TARBP1: variants seen among roughly 807,000 people sequenced by gnomAD.
TARBP1 encodes the protein tRNA guanosine 2 -O-methyltransferase TARBP1.
In TARBP1, 144 loss-of-function variants were observed where a neutral mutation model predicts 178.6. The ratio of observed to expected loss-of-function variants is 0.81; its 90% CI spans 0.70 to 0.93. TARBP1 has a LOEUF of 0.93. Among genes scored for constraint, TARBP1 ranks in the 40% least tolerant of loss-of-function variants. TARBP1 has a pLI of 0.00. For synonymous variants in TARBP1, 787 were observed against 781.0 expected (o/e 1.01, Z -0.13); for missense variants, 2,067 against 2,011.7 (o/e 1.03, Z -0.53).
chr1:234,403,223 C>T (rs753945070), intron 24 of TARBP1, among the ~76,000 whole-genome samples: 9 of 152,184 alleles, frequency 5.9e-5, no homozygotes, highest in Non-Finnish European at 8.8e-5. Flanking sequence ...TTCCCTCAGC[C>T]AGACCAAGCT....
In TARBP1 at chr1:234,461,598, C is replaced by T. The variant is rs554169774; in HGVS notation, c.1400-1202G>A. Reference sequence around the variant, plus strand: ...CTGAGACTACAGGCGTCAGCCACCACACCCGGCCAGTAAAAGATAAAATTG... The same window carrying T: ...CTGAGACTACAGGCGTCAGCCACCATACCCGGCCAGTAAAAGATAAAATTG... On this transcript the variant is annotated intron_variant, in intron 6 of 29. Transcript: ENST00000040877. Among the ~76,000 whole-genome samples the T allele has an allele frequency of 2.1e-3, 320 of 152,294 alleles. 4 individuals are homozygous for T. The highest frequency in any genetic ancestry group is 7.2e-3 in the African/African-American group (301 of 41,568).
rs1659649853 is a variant in TARBP1 at position 234,393,786 on chromosome 1, T to C, written c.4295A>G (p.Lys1432Arg). Reference protein sequence around the residue: ...DNQAEWTDVQKKIIPWNSRVS... With the variant: ...DNQAEWTDVQRKIIPWNSRVS... ...ACGACTGTTCCACGGGATAATCTTC[T>C]TCTGAACGTCGGTCCACTCCGCTTG... The change falls in exon 27 of 30, where the codon AAG becomes AGG. Residue 1432 changes from lysine to arginine, a missense_variant. By Grantham distance (26) the Lys-to-Arg change is conservative (BLOSUM62 2). Transcript: ENST00000040877. 6.2e-7 allele frequency: 1 copy of C among 1,613,846 alleles called. No homozygotes were observed. Among genetic ancestry groups the C allele is most frequent in the South Asian group, 1.1e-5 (1 of 91,090 alleles).
chr1:234,460,122 G>C lies in TARBP1; in HGVS notation c.1535+139C>G, dbSNP rs1029478756. The C allele has an allele frequency of 3.4e-5, 32 of 953,704 alleles. No individual in the cohort carries two copies. In the African/African-American group the frequency reaches 5.5e-4, roughly 16 times the overall value. The allele number at this position is 953,704 out of a possible 1,614,324, so 59.1% of individuals were successfully genotyped here. A position where few individuals can be genotyped will look rare whatever the true frequency, so the allele number is the denominator to read the frequency against. On this transcript the variant is annotated intron_variant, in intron 7 of 29. Coordinates refer to ENST00000040877, the MANE Select transcript of TARBP1 (RefSeq NM_005646.4). ...ATACATTTTTTAATTTTTTTCTTAT[G>C]TAAAATTAAGAGCCCAAACATCCCA...
In TARBP1 at chr1:234,478,598, G is replaced by A. The variant is rs1292228792; in HGVS notation, c.506C>T (p.Ala169Val). The A allele has an allele frequency of 3.1e-6, 4 of 1,298,742 alleles. No homozygotes were observed. The East Asian group carries it at 1.0e-4, about 33-fold the overall frequency. The allele number at this position is 1,298,742 out of a possible 1,614,324, so 80.5% of individuals were successfully genotyped here. Reference sequence around the variant, plus strand: ...GTCCCCGCCCCCGCCCAGCGCCAGGGCGACGGCGGTCCCCGCCACGCGCTC... The same window carrying A: ...GTCCCCGCCCCCGCCCAGCGCCAGGACGACGGCGGTCCCCGCCACGCGCTC... Reference protein sequence around the residue: ...LLERVAGTAVALALGGGGDGD... With the variant: ...LLERVAGTAVVLALGGGGDGD... Residue 169 changes from alanine to valine, a missense_variant, in exon 1 of 30, where the codon GCC becomes GTC. Physicochemically the swap from Ala to Val is moderately conservative, Grantham distance 64. Coordinates refer to ENST00000040877, the MANE Select transcript of TARBP1 (RefSeq NM_005646.4).
intron 22 of TARBP1, among the ~76,000 whole-genome samples, chr1:234,415,178 G>A (rs993060315): frequency 6.6e-6 from 1 of 152,080 alleles, no homozygotes; most frequent in Admixed American, 6.5e-5. Flanking sequence ...GGACCATTTG[G>A]CTAAGGAGAG....
chr1:234,472,810 G>A lies in TARBP1; in HGVS notation c.933C>T (p.Gly311=), dbSNP rs368606335. The change falls in exon 2 of 30, where the codon GGC becomes GGT. Residue 311 remains glycine (G), a splice_region_variant and synonymous_variant. Coordinates refer to ENST00000040877, the MANE Select transcript of TARBP1 (RefSeq NM_005646.4). ...DCTCGPQEGN[G]PSLFWWSERK... ...TCTCAGACCACCAAAACAGACTTGG[G>A]CCTGATATGGTTTAAAAAAGAAAAT... The A allele has an allele frequency of 6.3e-6, 10 of 1,588,636 alleles. No homozygotes were observed. The highest frequency in any genetic ancestry group is 1.4e-5 in the African/African-American group (1 of 72,900).
At chr1:234,471,302 T>TGAAAAATGTCAGGCAATTTTCATCTC in intron 2 of TARBP1, 45 bp from the exon 3 acceptor site, 1 of 1,312,020 alleles carries the variant, frequency 7.6e-7, no homozygotes, top group Non-Finnish European at 1.1e-6. Flanking sequence ...AAATGCATCT[T>TGAAAAATGTCAGGCAATTTTCATCTC]GAAAAATGTC....
chr1:234,398,421 T>C lies in TARBP1; in HGVS notation c.4204A>G (p.Ser1402Gly). ...FQWYLSQTQLSKLKPGDWSQQ... is the reference protein window; with the variant it reads ...FQWYLSQTQLGKLKPGDWSQQ... ...GACCAGTCACCTGGTTTTAGTTTAC[T>C]AAGTTGAGTTTGAGAAAGGTACCAC... The change falls in exon 26 of 30, where the codon AGT becomes GGT. Residue 1402 changes from serine to glycine, a missense_variant. Transcript: ENST00000040877. 1 of 1,611,186 alleles carries C rather than the reference T, an allele frequency of 6.2e-7. No individual in the cohort carries two copies. The highest frequency in any genetic ancestry group is 8.5e-7 in the Non-Finnish European group (1 of 1,178,374).
At chr1:234,466,579 G>GAAGAAT in intron 4 of TARBP1, among the ~76,000 whole-genome samples, 1 of 151,266 alleles carries the variant, frequency 6.6e-6, no homozygotes, top group Non-Finnish European at 1.5e-5. Flanking sequence ...AGAAGAAGAA[G>GAAGAAT]AAGCCAGGCA....
chr1:234,472,758 A>C lies in TARBP1; in HGVS notation c.985T>G (p.Trp329Gly), dbSNP rs749746892. 1 of 1,604,356 alleles carries C rather than the reference A, an allele frequency of 6.2e-7. No homozygotes were observed. Among genetic ancestry groups the C allele is most frequent in the South Asian group, 1.1e-5 (1 of 87,864 alleles). The change falls in exon 2 of 30, where the codon TGG becomes GGG. Residue 329 changes from tryptophan (W) to glycine (G), a missense_variant. Transcript: ENST00000040877. The part of the protein sequence containing the change: ...ERKKDELLKF[W>G]ENYILIMETL... ...TCCATAATTAAAATATAATTTTCCC[A>C]AAACTTTAGAAGCTCATCTTTTTTC... is the stretch of plus-strand genomic sequence containing the variant.
chr1:234,474,407 A>G (rs1335886842), intron 1 of TARBP1, among the ~76,000 whole-genome samples: 1 of 152,164 alleles, frequency 6.6e-6, no homozygotes, highest in Non-Finnish European at 1.5e-5. Flanking sequence ...GAAAACAGAA[A>G]GGGACGAAAT....
intron 28 of TARBP1, 121 bp from the exon 29 acceptor site, chr1:234,392,673 T>C: frequency 1.2e-6 from 1 of 814,020 alleles, no homozygotes; most frequent in Non-Finnish European, 1.8e-6. Flanking sequence ...GAGAGAATTA[T>C]ACATTATAAA....
chr1:234,460,479 C>A, intron 6 of TARBP1, 83 bp from the exon 7 acceptor site: 1 of 1,427,022 alleles, frequency 7.0e-7, no homozygotes, highest in Non-Finnish European at 9.6e-7. Context: ...TAGGGAAATA[C>A]AAGTCAAAAC....
intron 3 of TARBP1, among the ~76,000 whole-genome samples, chr1:234,469,059 CCTT>C (rs1668762755): frequency 2.5e-5 from 1 of 39,532 alleles, no homozygotes; most frequent in Non-Finnish European, 3.6e-5. Context: ...GCGGTTTTTG[CCTT>C]TTTTTTTTTT....
chr1:234,450,273 T>C (rs1184940649), intron 10 of TARBP1, among the ~76,000 whole-genome samples, 155 bp downstream of exon 10: 3 of 152,192 alleles, frequency 2.0e-5, no homozygotes, highest in African/African-American at 7.2e-5. Context: ...ACAGTATCTT[T>C]ACTTTTTTTT....
Position 234,393,420 on chromosome 1 carries a change from C to A in TARBP1, c.4502G>T (p.Ser1501Ile), listed in dbSNP as rs756635913. ...VLVVGSLQCI[S>I]DKQFQHLSVS... is the part of the protein sequence containing the mutation. ...ACTGAGGTGCTGAAACTGTTTGTCG[C>A]TGATACACTGAAGGCTGCCAACAAC... Residue 1501 changes from serine (S) to isoleucine (I), a missense_variant, in exon 28 of 30, where the codon AGC becomes ATC. Transcript: ENST00000040877. 8.7e-6 allele frequency: 14 copies of A among 1,610,252 alleles called. No individual in the cohort carries two copies. In the South Asian group the frequency reaches 1.5e-4, roughly 18 times the overall value.
intron 13 of TARBP1, among the ~76,000 whole-genome samples, chr1:234,435,774 C>G (rs58750429): frequency 0.13 from 20,430 of 152,150 alleles, 1,532 homozygotes; most frequent in Middle Eastern, 0.26. Context: ...TGAACTAAGA[C>G]AGGCAGCGGC....
chr1:234,474,287 C>CACAA (rs772000479), intron 1 of TARBP1, among the ~76,000 whole-genome samples: 1 of 134,502 alleles, frequency 7.4e-6, no homozygotes, highest in East Asian at 2.0e-4. Context: ...CACACACACA[C>CACAA]AAAGGGGACA....
chr1:234,472,711 T>C lies in TARBP1; in HGVS notation c.1029+3A>G. The C allele has an allele frequency of 6.4e-7, 1 of 1,564,258 alleles. No homozygotes were observed. The highest frequency in any genetic ancestry group is 8.6e-7 in the Non-Finnish European group (1 of 1,156,680). On this transcript the variant is annotated splice_donor_region_variant and intron_variant, in intron 2 of 29. Transcript: ENST00000040877. ...GGATTTGCTAAAATAGAAAAACACT[T>C]ACCTGATTTCCTTCTAAAGTCTCCA...
Sources: allele counts gnomAD v4.1 joint callset (sites outside exome capture counted in the v4.1 genomes callset), GRCh38; gene constraint gnomAD v4.1.1; transcripts MANE v1.5; gene names NCBI Gene and HGNC (gene_info 2026-07-23, HGNC 2026-07-21).